The following NLRP8 variants were observed in gnomAD, a reference collection of about 807,000 sequenced individuals.
The protein encoded by NLRP8 is NLR family pyrin domain containing 8.
In NLRP8, 86 loss-of-function variants were observed where a neutral mutation model predicts 88.7. The observed-to-expected ratio is 0.97, with a 90% confidence interval of 0.81 to 1.16. The LOEUF is 1.16. Among genes scored for constraint, NLRP8 ranks in the 50% most tolerant of loss-of-function variants. The probability of loss-of-function intolerance (pLI) is 0.00; values close to 1 mark genes in which losing one functional copy is unlikely to be tolerated. For missense variants in NLRP8, 1,342 were observed against 1,286.5 expected (o/e 1.04, Z -0.66); for synonymous variants, 504 against 494.6 (o/e 1.02, Z -0.25).
intron 9 of NLRP8, among the ~76,000 whole-genome samples, chr19:55,982,077 T>C (rs1980598919): frequency 6.6e-6 from 1 of 152,236 alleles, no homozygotes; most frequent in South Asian, 2.1e-4. Flanking sequence ...AATTTTTTTG[T>C]ATTTTTAGCA....
intron 9 of NLRP8, among the ~76,000 whole-genome samples, 193 bp from the exon 10 acceptor site, chr19:55,980,866 G>T (rs752649177): frequency 1.3e-5 from 2 of 152,126 alleles, no homozygotes. Context: ...GGGCTGTCTT[G>T]GTTGAACCCC....
chr19:55,965,049 G>T (rs1364686954), intron 4 of NLRP8, among the ~76,000 whole-genome samples: 2 of 152,146 alleles, frequency 1.3e-5, no homozygotes, highest in Non-Finnish European at 2.9e-5. Flanking sequence ...ACTTTGGGAG[G>T]CTGAGCCAGT....
At chr19:55,960,002 C>T (rs1038310312) in intron 3 of NLRP8, among the ~76,000 whole-genome samples, 2 of 152,056 alleles carry the variant, frequency 1.3e-5, no homozygotes, top group African/African-American at 4.8e-5. Flanking sequence ...CCCAATAAAA[C>T]TTGTTTGTGG....
intron 8 of NLRP8, among the ~76,000 whole-genome samples, 158 bp from the exon 9 acceptor site, chr19:55,979,236 A>G (rs779312437): frequency 3.9e-5 from 6 of 152,256 alleles, no homozygotes; most frequent in Non-Finnish European, 5.9e-5. Context: ...AAAAGGACAC[A>G]AAGAAACTGA....
intron 4 of NLRP8, among the ~76,000 whole-genome samples, chr19:55,965,719 A>T (rs1348560159): frequency 1.3e-5 from 2 of 151,962 alleles, no homozygotes; most frequent in African/African-American, 4.8e-5. Context: ...GGTTTGTTAC[A>T]TAGGTATACA....
rs375534172 is a variant in NLRP8, at chr19:55,955,801, C to T, written c.1743C>T (p.Phe581=). Residue 581 remains phenylalanine (F), a synonymous_variant, in exon 3 of 10, where the codon TTC becomes TTT. Transcript: ENST00000291971. ...AGTCATTCCAATGCAAGGTGTCTTT[C>T]GGTAATAAGAGGAAACTGCTGAAAG... 109 of 1,614,020 alleles carry T rather than the reference C, an allele frequency of 6.8e-5. No individual in the cohort carries two copies. The Middle Eastern group carries it at 1.8e-3, about 27-fold the overall frequency.
At chr19:55,967,466 G>C (rs306492) in intron 5 of NLRP8, among the ~76,000 whole-genome samples, 50,442 of 152,078 alleles carry the variant, frequency 0.33, 9,004 homozygotes, top group South Asian at 0.4. Context: ...TCTGTGCCTG[G>C]CTTATTTCAC....
intron 8 of NLRP8, among the ~76,000 whole-genome samples, chr19:55,978,144 T>C (rs1283307971): frequency 6.6e-6 from 1 of 152,204 alleles, no homozygotes; most frequent in East Asian, 1.9e-4. Context: ...AGTTATCTGC[T>C]TTGGGTCCTT....
intron 6 of NLRP8, 123 bp downstream of exon 6, chr19:55,970,819 T>G (rs1259181373): frequency 3.2e-6 from 4 of 1,245,450 alleles, no homozygotes; most frequent in Non-Finnish European, 3.4e-6. Flanking sequence ...AACATAAGTC[T>G]TGTGATTGAT....
At chr19:55,956,871 C>T (rs74663769) in intron 3 of NLRP8, among the ~76,000 whole-genome samples, 5,292 of 152,204 alleles carry the variant, frequency 0.035, 301 homozygotes, top group African/African-American at 0.12. Flanking sequence ...TGGCTCACTG[C>T]AACCTCAACC....
At chr19:55,977,706 TCTC>T (rs1367677337) in intron 8 of NLRP8, among the ~76,000 whole-genome samples, 2 of 151,634 alleles carry the variant, frequency 1.3e-5, no homozygotes, top group East Asian at 1.9e-4. Context: ...CTTGTAAACA[TCTC>T]CTCTCATGAT....
intron 8 of NLRP8, 120 bp downstream of exon 8, chr19:55,976,423 G>C (rs1381356741): frequency 7.1e-6 from 6 of 847,058 alleles, no homozygotes; most frequent in Non-Finnish European, 9.9e-6. Flanking sequence ...TCCCTCCATT[G>C]AATTGGAGAA....
chr19:55,983,406 G>T (rs537964336), intron 9 of NLRP8, among the ~76,000 whole-genome samples: 1 of 141,966 alleles, frequency 7.0e-6, no homozygotes, highest in African/African-American at 2.6e-5. Context: ...GGAGGTTGCA[G>T]TGAGCCAAGA....
chr19:55,979,629 A>G, intron 9 of NLRP8, 65 bp downstream of exon 9: 1 of 1,571,886 alleles, frequency 6.4e-7, no homozygotes, highest in Non-Finnish European at 8.7e-7. Flanking sequence ...GTAAAACGTG[A>G]GATGCTGGGC....
Position 55,954,896 on chromosome 19 carries a change from C to G in NLRP8, c.838C>G (p.Gln280Glu). 6.2e-7 allele frequency: 1 copy of G among 1,614,168 alleles called. No individual in the cohort carries two copies. The change falls in exon 3 of 10, where the codon CAA becomes GAA. Residue 280 changes from glutamine to glutamate, a missense_variant. By Grantham distance (29) the Gln-to-Glu change is conservative. Transcript: ENST00000291971. The stretch of plus-strand genomic sequence containing the variant: ...GTCAAAGATTATGTCCAAACCCGAC[C>G]AACTTCTGCTGCTCTTGGATGGCTT...
intron 6 of NLRP8, among the ~76,000 whole-genome samples, chr19:55,972,606 A>G (rs1047507127): frequency 1.7e-4 from 25 of 151,296 alleles, no homozygotes; most frequent in Admixed American, 5.9e-4. Context: ...CAAGTCCCCA[A>G]AGTCCAGTCT....
chr19:55,962,642 C>T (rs1979666306), intron 4 of NLRP8, among the ~76,000 whole-genome samples: 2 of 152,114 alleles, frequency 1.3e-5, no homozygotes, highest in South Asian at 4.1e-4. Context: ...TTTACTTCAG[C>T]TCAGGTGTTC....
chr19:55,976,292 A>G lies in NLRP8; in HGVS notation c.2865A>G (p.Leu955=), dbSNP rs1276800932. The G allele has an allele frequency of 2.6e-5, 42 of 1,603,028 alleles. No individual in the cohort carries two copies. The highest frequency in any genetic ancestry group is 3.3e-5 in the Non-Finnish European group (39 of 1,177,052). The change falls in exon 8 of 10, where the codon TTA becomes TTG. Residue 955 remains leucine (L), a synonymous_variant. Transcript: ENST00000291971. ...CCCTGAAGAACCCTGACTGTACATT[A>G]CAGATCCTGGAGTAAGTGGCCCCTC...
rs374786327 is a variant in NLRP8 at position 55,966,353 on chromosome 19, C to T, written c.2354C>T (p.Ser785Phe). The T allele has an allele frequency of 1.2e-5, 20 of 1,609,666 alleles. No individual in the cohort carries two copies. The highest frequency in any genetic ancestry group is 4.4e-5 in the South Asian group (4 of 90,820). Residue 785 changes from serine to phenylalanine, a missense_variant, in exon 5 of 10, where the codon TCC becomes TTC. Transcript: ENST00000291971. The stretch of plus-strand genomic sequence containing the variant: ...AAGCTTCTATGCAGGGTGCTGAGAT[C>T]CCCCCGGTGCCGTCTGCAGTGTCTC...
Sources: gnomAD v4.1 joint callset for allele counts (sites outside exome capture counted in the v4.1 genomes callset) on GRCh38, gnomAD v4.1.1 for gene constraint, MANE v1.5 for transcripts, NCBI Gene and HGNC (gene_info 2026-07-23, HGNC 2026-07-21) for gene names.